The following SHLD2 variants were observed in gnomAD, a reference collection of about 807,000 sequenced individuals.
SHLD2 encodes the protein shieldin complex subunit 2.
Under a neutral mutation model 73.2 loss-of-function variants are expected in SHLD2, and 30 were observed. That is an observed-to-expected ratio of 0.41 (90% confidence interval 0.31 to 0.56). The LOEUF is 0.56. SHLD2 is among the 20% of genes least tolerant of loss of function. The pLI is 0.28. For synonymous variants in SHLD2, 285 were observed against 370.1 expected (o/e 0.77, Z 2.64); for missense variants, 745 against 1,055.9 (o/e 0.71, Z 4.08).
rs2134453832 is a variant in SHLD2, at chr10:87,163,319, A to G, written c.1633+5164A>G. Among the ~76,000 whole-genome samples the G allele has an allele frequency of 2.0e-5, 3 of 152,296 alleles. No homozygotes were observed. The Middle Eastern group carries it at 0.01, about 518-fold the overall frequency. ...TGCAGGAAGGATAAACCAGAAACTA[A>G]AGAGATTGGTCACCTACAGGGGGCA... On this transcript the variant is annotated intron_variant, in intron 4 of 9. Transcript: ENST00000298786.
Position 87,152,853 on chromosome 10 carries a change from T to G in SHLD2, c.1499T>G (p.Phe500Cys). 1.2e-6 allele frequency: 2 copies of G among 1,611,428 alleles called. No individual in the cohort carries two copies. Among genetic ancestry groups the G allele is most frequent in the Non-Finnish European group, 1.7e-6 (2 of 1,179,726 alleles). The change falls in exon 3 of 10, where the codon TTT becomes TGT. Residue 500 changes from phenylalanine to cysteine, a missense_variant. By Grantham distance (205) the Phe-to-Cys change is radical. Around this residue, in one of 5 missense-constraint regions of SHLD2, gnomAD observed 418 missense variants for 567.8 expected, o/e 0.74. Transcript: ENST00000298786. The stretch of plus-strand genomic sequence containing the variant: ...GCAGCATTTTGGGCATTTACAGTGT[T>G]TCTTGGAGATATAATTTTACTCACA... The part of the protein sequence containing the change: ...RTAAFWAFTV[F>C]LGDIILLTDV...
chr10:87,158,883 T>TTCACTATACTTTTGTCTCCTTTTCTG (rs1453665011), intron 4 of SHLD2, among the ~76,000 whole-genome samples: 2 of 152,204 alleles, frequency 1.3e-5, no homozygotes, highest in African/African-American at 2.4e-5. Context: ...TGTATTTCAC[T>TTCACTATACTTTTGTCTCCTTTTCTG]TCACTATACT....
In SHLD2 at chr10:87,135,057, ATAG is replaced by A. The variant is rs1392935954; in HGVS notation, c.-5-16291_-5-16289del. On this transcript the variant is annotated intron_variant, in intron 2 of 9. Transcript: ENST00000298786. ...TAAAATATAAACTTGAATTTTTGAAATAGTTTCAGATTTAAAGAAAAATTGCCA... is the reference window on the plus strand; with the variant it reads ...TAAAATATAAACTTGAATTTTTGAAATTTCAGATTTAAAGAAAAATTGCCA... 3.2e-4 allele frequency among the ~76,000 whole-genome samples: 48 copies of A among 152,208 alleles called. No individual in the cohort carries two copies. In the East Asian group the frequency reaches 7.1e-3, roughly 23 times the overall value.
At chr10:87,117,360 G>A (rs551068683) in intron 2 of SHLD2, among the ~76,000 whole-genome samples, 3 of 152,236 alleles carry the variant, frequency 2.0e-5, no homozygotes, top group South Asian at 2.1e-4. Context: ...TGGAAGTTTC[G>A]GTGAGCCGAG....
chr10:87,099,509 T>G (rs574446751), intron 2 of SHLD2, among the ~76,000 whole-genome samples: 83 of 152,366 alleles, frequency 5.4e-4, no homozygotes, highest in African/African-American at 1.8e-3. Context: ...TTTCTTGTTA[T>G]GGCTACATAG....
chr10:87,123,739 T>C (rs934873501), intron 2 of SHLD2, among the ~76,000 whole-genome samples: 5 of 152,218 alleles, frequency 3.3e-5, no homozygotes, highest in African/African-American at 9.6e-5. Flanking sequence ...CATGGCATAG[T>C]GTTGTCCTCG....
intron 2 of SHLD2, among the ~76,000 whole-genome samples, chr10:87,118,285 A>T (rs1370977976): frequency 6.6e-6 from 1 of 152,142 alleles, no homozygotes; most frequent in Non-Finnish European, 1.5e-5. Flanking sequence ...TTTAGTATTT[A>T]TAGAGAGATT....
chr10:87,131,583 A>G (rs1844431824), intron 2 of SHLD2, among the ~76,000 whole-genome samples: 1 of 152,062 alleles, frequency 6.6e-6, no homozygotes, highest in South Asian at 2.1e-4. Context: ...TTGTGTGGAT[A>G]TATCACATTT....
chr10:87,166,373 G>A (rs1428430560), intron 4 of SHLD2, among the ~76,000 whole-genome samples: 5 of 150,868 alleles, frequency 3.3e-5, no homozygotes, highest in African/African-American at 9.8e-5. Context: ...AATAACAAAG[G>A]AAGCTGCCAT....
At chr10:87,171,192 A>C (rs1470253352) in intron 6 of SHLD2, among the ~76,000 whole-genome samples, 3 of 152,140 alleles carry the variant, frequency 2.0e-5, no homozygotes, top group East Asian at 3.8e-4. Flanking sequence ...TGGTGAAATA[A>C]AGTCTTAAAT....
rs144875129 is a variant in SHLD2, at chr10:87,104,472, G to A, written c.-6+7483G>A. Among the ~76,000 whole-genome samples, 29 of 151,004 alleles carry A rather than the reference G, an allele frequency of 1.9e-4. 2 individuals carry two copies. The South Asian group carries it at 2.3e-3, about 12-fold the overall frequency. On this transcript the variant is annotated intron_variant, in intron 2 of 9. Transcript: ENST00000298786. ...TGAGGCAGGAGAATCGCTTGAACCC[G>A]GGAGTGAGCCGAGATGGCGCCACTG...
chr10:87,176,734 A>T (rs1847974041), intron 7 of SHLD2, among the ~76,000 whole-genome samples: 1 of 152,228 alleles, frequency 6.6e-6, no homozygotes, highest in Non-Finnish European at 1.5e-5. Flanking sequence ...CCAATATATG[A>T]TTGAAGGTTA....
intron 2 of SHLD2, among the ~76,000 whole-genome samples, chr10:87,143,864 T>TTC (rs200998087): frequency 0.028 from 2,779 of 100,806 alleles, 67 homozygotes; most frequent in African/African-American, 0.075. Context: ...TATTCTTTCT[T>TTC]TTTTTTTTTT....
intron 2 of SHLD2, among the ~76,000 whole-genome samples, chr10:87,102,051 T>TTA (rs1384349538): frequency 6.6e-6 from 1 of 152,262 alleles, no homozygotes; most frequent in African/African-American, 2.4e-5. Context: ...TGTGTTTTAT[T>TTA]TCATTTTCTT....
At chr10:87,170,737 G>A in intron 5 of SHLD2, 65 bp downstream of exon 5, 1 of 1,536,628 alleles carries the variant, frequency 6.5e-7, no homozygotes, top group South Asian at 1.3e-5. Flanking sequence ...GACCATCTTA[G>A]TGTACCATTT....
At chr10:87,131,649 A>G (rs1213888960) in intron 2 of SHLD2, among the ~76,000 whole-genome samples, 1 of 152,026 alleles carries the variant, frequency 6.6e-6, no homozygotes, top group Non-Finnish European at 1.5e-5. Flanking sequence ...TTTTCTGGCT[A>G]TTGTAAATAG....
chr10:87,182,287 T>G (rs1848362727), intron 8 of SHLD2, among the ~76,000 whole-genome samples: 1 of 152,246 alleles, frequency 6.6e-6, no homozygotes, highest in African/African-American at 2.4e-5. Flanking sequence ...ATATCACATA[T>G]GTACTGTGGA....
chr10:87,148,312 T>C (rs1478772165), intron 2 of SHLD2, among the ~76,000 whole-genome samples: 4 of 152,186 alleles, frequency 2.6e-5, no homozygotes, highest in Non-Finnish European at 5.9e-5. Flanking sequence ...CCAATACATA[T>C]CTGTCTTAAG....
intron 4 of SHLD2, among the ~76,000 whole-genome samples, chr10:87,160,348 G>T (rs1846716906): frequency 6.6e-6 from 1 of 152,062 alleles, no homozygotes; most frequent in Non-Finnish European, 1.5e-5. Flanking sequence ...AATTAGCCAG[G>T]TGTAGTGGTG....
Sources: allele counts gnomAD v4.1 joint callset (sites outside exome capture counted in the v4.1 genomes callset), GRCh38; gene constraint gnomAD v4.1.1; regional missense constraint gnomAD v4.1.1; transcripts MANE v1.5; gene names NCBI Gene and HGNC (gene_info 2026-07-23, HGNC 2026-07-21).